Variants in XPNPEP1 observed in about 807,000 individuals in gnomAD.
XPNPEP1 encodes the protein xaa-Pro aminopeptidase 1.
In XPNPEP1, 39 loss-of-function variants were observed where a neutral mutation model predicts 92.4. The ratio of observed to expected loss-of-function variants is 0.42; its 90% CI spans 0.33 to 0.55. The LOEUF is 0.55. XPNPEP1 is among the 20% of genes least tolerant of loss of function. XPNPEP1 has a pLI of 0.08. For synonymous variants in XPNPEP1, 307 were observed against 299.4 expected (o/e 1.03, Z -0.26); for missense variants, 654 against 856.1 (o/e 0.76, Z 2.95).
intron 9 of XPNPEP1, among the ~76,000 whole-genome samples, chr10:109,883,041 G>A (rs542276280): frequency 2.6e-5 from 4 of 152,272 alleles, no homozygotes; most frequent in Non-Finnish European, 4.4e-5. Context: ...CGATGTTTCA[G>A]TCATAATATT....
rs561341403 is a variant in XPNPEP1, at chr10:109,867,521, T to C, written c.1872+1093A>G. Among the ~76,000 whole-genome samples, 1 of 152,288 alleles carries C rather than the reference T, an allele frequency of 6.6e-6. No individual in the cohort carries two copies. The highest frequency in any genetic ancestry group is 2.1e-4 in the South Asian group (1 of 4,824). ...AGCAGGAAGTGGATGGACTTTCTCA[T>C]CACCCACCTGTGAACTGGAACAGGC... On this transcript the variant is annotated intron_variant, in intron 20 of 20. Coordinates refer to ENST00000502935, the MANE Select transcript of XPNPEP1 (RefSeq NM_020383.4). The surrounding 1 kb of genome is among the most constrained non-coding windows in gnomAD (Gnocchi z 4.5).
At chr10:109,890,936 G>C (rs1372371080) in intron 5 of XPNPEP1, among the ~76,000 whole-genome samples, 2 of 152,048 alleles carry the variant, frequency 1.3e-5, no homozygotes, top group South Asian at 4.1e-4. Context: ...AGAAGCATCA[G>C]GTATTTTGTT....
At chr10:109,886,882 C>T (rs895561716) in intron 7 of XPNPEP1, among the ~76,000 whole-genome samples, 2 of 152,158 alleles carry the variant, frequency 1.3e-5, no homozygotes, top group East Asian at 3.8e-4. Context: ...AGTGCTAAGA[C>T]CTAGGAATTC....
chr10:109,882,339 G>T, intron 10 of XPNPEP1, 93 bp downstream of exon 10: 1 of 1,441,978 alleles, frequency 6.9e-7, no homozygotes, highest in Non-Finnish European at 9.5e-7. Flanking sequence ...TGATCCAACA[G>T]GCAGCCTCAG....
intron 2 of XPNPEP1, among the ~76,000 whole-genome samples, chr10:109,910,198 T>C (rs979093042): frequency 2.0e-5 from 3 of 152,218 alleles, no homozygotes; most frequent in African/African-American, 7.2e-5. Context: ...AAATGTCATA[T>C]AGTTAGAAAC....
intron 2 of XPNPEP1, among the ~76,000 whole-genome samples, chr10:109,911,583 T>A (rs962269638): frequency 1.2e-4 from 18 of 152,216 alleles, no homozygotes; most frequent in Admixed American, 6.5e-4. Context: ...CTCTGATATC[T>A]TTCAGGAGCT....
At chr10:109,887,136 A>G (rs1369168942) in intron 7 of XPNPEP1, among the ~76,000 whole-genome samples, 1 of 152,222 alleles carries the variant, frequency 6.6e-6, no homozygotes, top group Non-Finnish European at 1.5e-5. Context: ...GTAGGCACCC[A>G]AATGTGTACT....
At chr10:109,873,623 C>A (rs2133367589) in intron 15 of XPNPEP1, 196 bp from the exon 16 acceptor site, 1 of 551,094 alleles carries the variant, frequency 1.8e-6, no homozygotes, top group Non-Finnish European at 3.2e-6. Context: ...TAATTCCACT[C>A]CTAGTTATAT....
At chr10:109,893,320 C>T in intron 3 of XPNPEP1, 1 of 393,312 alleles carries the variant, frequency 2.5e-6, no homozygotes, top group Non-Finnish European at 4.5e-6. Flanking sequence ...AGAACCAAAG[C>T]ACATCAGGAG....
chr10:109,907,255 C>T (rs1849604481), intron 3 of XPNPEP1, among the ~76,000 whole-genome samples: 1 of 152,202 alleles, frequency 6.6e-6, no homozygotes, highest in Non-Finnish European at 1.5e-5. Context: ...AGCACTCAAA[C>T]ACTTGCTGAC....
Position 109,891,761 on chromosome 10 carries a change from C to T in XPNPEP1, c.376G>A (p.Ala126Thr). The T allele has an allele frequency of 3.8e-6, 6 of 1,594,258 alleles. No homozygotes were observed. Among genetic ancestry groups the T allele is most frequent in the Non-Finnish European group, 5.1e-6 (6 of 1,174,088 alleles). ...GTCCAGTTGCTGTCCATTTGCTTGG[C>T]AGCCTGGAGAAAGTAGCGCCCGTCA... The part of the protein sequence containing the change: ...WTDGRYFLQA[A>T]KQMDSNWTLM... The change falls in exon 5 of 21, where the codon GCC becomes ACC. Residue 126 changes from alanine (A) to threonine (T), a missense_variant. Transcript: ENST00000502935.
At position 109,887,473 on chromosome 10, in the gene XPNPEP1, C is replaced by T. The variant is rs570937674; in HGVS notation, c.652+576G>A. ...TTCCACAGCCATCCCCCATCTACCT[C>T]TGTTTCTACAGCAAGACGCCCTCCC... On this transcript the variant is annotated intron_variant, in intron 7 of 20. Coordinates refer to ENST00000502935, the MANE Select transcript of XPNPEP1 (RefSeq NM_020383.4). 1.5e-3 allele frequency among the ~76,000 whole-genome samples: 228 copies of T among 152,304 alleles called. 1 individual carries two copies. The highest frequency in any genetic ancestry group is 2.9e-3 in the Non-Finnish European group (199 of 68,026).
intron 2 of XPNPEP1, among the ~76,000 whole-genome samples, chr10:109,912,992 CTA>C (rs1849963075): frequency 6.6e-6 from 1 of 152,216 alleles, no homozygotes; most frequent in Non-Finnish European, 1.5e-5. Context: ...ATTCCACATC[CTA>C]TGACTTTTCA....
intron 3 of XPNPEP1, among the ~76,000 whole-genome samples, chr10:109,898,203 C>A (rs939228561): frequency 2.0e-5 from 3 of 152,202 alleles, no homozygotes; most frequent in African/African-American, 7.2e-5. Context: ...TGGGGCTCAA[C>A]TTCCTCATCT....
chr10:109,892,542 C>T (rs949005202), intron 4 of XPNPEP1: 14 of 162,600 alleles, frequency 8.6e-5, no homozygotes, highest in African/African-American at 3.4e-4. Flanking sequence ...TTGAGGAACA[C>T]CAATGCAGCT....
chr10:109,869,548 C>T (rs144993602), intron 19 of XPNPEP1, among the ~76,000 whole-genome samples: 1,890 of 152,202 alleles, frequency 0.012, 29 homozygotes, highest in Non-Finnish European at 0.016. Flanking sequence ...ATTCTAGGGT[C>T]TGGGAGGGGC....
intron 1 of XPNPEP1, among the ~76,000 whole-genome samples, chr10:109,921,613 G>C (rs1048684113): frequency 1.3e-5 from 2 of 152,354 alleles, no homozygotes. Context: ...GATGAGACAA[G>C]GGTAAACTGG....
chr10:109,918,886 A>G (rs373087350), intron 1 of XPNPEP1, among the ~76,000 whole-genome samples: 68 of 118,532 alleles, frequency 5.7e-4, no homozygotes, highest in Admixed American at 1.3e-3. Flanking sequence ...GAAGGAAGGA[A>G]GGAAGGAAGG....
intron 1 of XPNPEP1, 70 bp downstream of exon 1, chr10:109,923,332 G>A: frequency 1.5e-6 from 2 of 1,374,276 alleles, no homozygotes; most frequent in Non-Finnish European, 9.4e-7. Flanking sequence ...CCGCCGAGGT[G>A]CAACACGCGC....
Sources: allele counts gnomAD v4.1 joint callset (sites outside exome capture counted in the v4.1 genomes callset), GRCh38; gene constraint gnomAD v4.1.1; non-coding constraint Gnocchi (gnomAD v3.1); transcripts MANE v1.5; gene names NCBI Gene and HGNC (gene_info 2026-07-23, HGNC 2026-07-21).